The following RANBP2 variants were observed in gnomAD, a reference collection of about 807,000 sequenced individuals.
The protein encoded by RANBP2 is E3 SUMO-protein ligase RanBP2.
In RANBP2, 57 loss-of-function variants were observed where a neutral mutation model predicts 303.6. The ratio of observed to expected loss-of-function variants is 0.19; its 90% confidence interval spans 0.15 to 0.23. RANBP2 has a LOEUF of 0.23. Among genes scored for constraint, RANBP2 ranks in the 10% least tolerant of loss-of-function variants. The probability of loss-of-function intolerance (pLI) is 1.00; values close to 1 mark genes in which losing one functional copy is unlikely to be tolerated. For synonymous variants in RANBP2, 1,167 were observed against 1,301.5 expected (o/e 0.90, Z 2.23); for missense variants, 3,138 against 3,780.8 (o/e 0.83, Z 4.46).
At chr2:109,652,996 T>G in the RANBP2 span, among the ~76,000 whole-genome samples, 1 of 152,132 alleles carries the variant, frequency 6.6e-6, no homozygotes, top group African/African-American at 2.4e-5. Flanking sequence ...GAAAGAGAAA[T>G]AATTGCCTTT....
the RANBP2 span, among the ~76,000 whole-genome samples, chr2:108,890,080 C>T: frequency 1.3e-5 from 2 of 151,338 alleles, no homozygotes; most frequent in African/African-American, 4.9e-5. Context: ...GACTAGTTCT[C>T]TTTCATTTAT....
chr2:109,237,809 T>C, the RANBP2 span, among the ~76,000 whole-genome samples: 1 of 152,224 alleles, frequency 6.6e-6, no homozygotes, highest in Non-Finnish European at 1.5e-5. Flanking sequence ...ACAAATACTT[T>C]CTACACAAAG....
Position 108,782,398 on chromosome 2 carries a change from G to T in RANBP2, c.9031G>T (p.Ala3011Ser), listed in dbSNP as rs754411753. Residue 3011 changes from alanine (A) to serine (S), a missense_variant, in exon 27 of 29, where the codon GCT becomes TCT. Physicochemically the swap from Ala to Ser is moderately conservative, Grantham distance 99. Coordinates refer to ENST00000283195, the MANE Select transcript of RANBP2 (RefSeq NM_006267.5). ...TTTAGTTTGGACTGCCTCAGATTAT[G>T]CTGGTGAGTTTTTACATTCAAATGC... is the stretch of plus-strand genomic sequence containing the variant. ...NALVWTASDY[A>S]DGEAKVEQLA... 1.9e-6 allele frequency: 3 copies of T among 1,613,894 alleles called. No homozygotes were observed. In the East Asian group the frequency reaches 6.7e-5, roughly 36 times the overall value.
the RANBP2 span, among the ~76,000 whole-genome samples, chr2:108,995,100 G>C: frequency 1.4e-4 from 22 of 152,180 alleles, no homozygotes; most frequent in Non-Finnish European, 2.6e-4. Context: ...AAAGTGCTGG[G>C]ATTACAGGCA....
the RANBP2 span, chr2:108,912,700 A>T: frequency 6.3e-7 from 1 of 1,599,764 alleles, no homozygotes; most frequent in East Asian, 2.3e-5. Flanking sequence ...GCTGGAAGGG[A>T]GACAGGGTGC....
At chr2:108,947,892 A>T in the RANBP2 span, among the ~76,000 whole-genome samples, 1 of 152,292 alleles carries the variant, frequency 6.6e-6, no homozygotes, top group East Asian at 1.9e-4. Flanking sequence ...AGCCAGTTTG[A>T]ATTCCTCCCC....
the RANBP2 span, chr2:109,732,922 T>A: frequency 1.3e-6 from 1 of 746,156 alleles, no homozygotes; most frequent in Admixed American, 1.8e-5. Context: ...GTGGCCCCTG[T>A]GTAGGAGAGG....
At chr2:109,338,917 CACAA>C in the RANBP2 span, among the ~76,000 whole-genome samples, 530 of 111,568 alleles carry the variant, frequency 4.8e-3, 1 homozygote, top group Non-Finnish European at 6.7e-3. Context: ...TTACTGATAA[CACAA>C]ACAGTTGATC....
chr2:109,286,230 G>C, the RANBP2 span, among the ~76,000 whole-genome samples: 3 of 152,228 alleles, frequency 2.0e-5, no homozygotes, highest in Non-Finnish European at 4.4e-5. Context: ...GCAGCATTCT[G>C]TTTCTCTGAG....
the RANBP2 span, among the ~76,000 whole-genome samples, chr2:109,077,545 A>T: frequency 8.8e-6 from 1 of 114,242 alleles, no homozygotes; most frequent in Non-Finnish European, 2.1e-5. Context: ...GGGAGAAAAT[A>T]CAACCCATAT....
the RANBP2 span, among the ~76,000 whole-genome samples, chr2:109,506,596 A>G: frequency 1.3e-5 from 2 of 152,210 alleles, no homozygotes; most frequent in African/African-American, 4.8e-5. Context: ...TAGAGTTGTC[A>G]CATATGTTAT....
At chr2:108,852,263 C>A in the RANBP2 span, among the ~76,000 whole-genome samples, 28 of 152,270 alleles carry the variant, frequency 1.8e-4, no homozygotes, top group Admixed American at 1.5e-3. Context: ...AGATACAACT[C>A]TTCTTTATGG....
At chr2:109,245,137 C>T in the RANBP2 span, among the ~76,000 whole-genome samples, 13 of 152,186 alleles carry the variant, frequency 8.5e-5, no homozygotes, top group South Asian at 2.1e-4. Context: ...CACCATCTCA[C>T]GGGAAGCTCC....
chr2:109,610,489 T>G, the RANBP2 span, among the ~76,000 whole-genome samples: 1 of 151,764 alleles, frequency 6.6e-6, no homozygotes, highest in African/African-American at 2.4e-5. Flanking sequence ...CTGAGACGGG[T>G]GGATCACCTG....
chr2:109,485,011 G>A, the RANBP2 span, among the ~76,000 whole-genome samples: 1 of 152,236 alleles, frequency 6.6e-6, no homozygotes, highest in Admixed American at 6.5e-5. Context: ...CCCTTCTGGT[G>A]CTGAAAATAG....
chr2:109,023,566 G>T, the RANBP2 span, among the ~76,000 whole-genome samples: 1 of 152,190 alleles, frequency 6.6e-6, no homozygotes, highest in South Asian at 2.1e-4. Context: ...GCTTTGGGAG[G>T]CCTAGGTGGG....
chr2:109,399,671 A>G, the RANBP2 span, among the ~76,000 whole-genome samples: 1 of 152,230 alleles, frequency 6.6e-6, no homozygotes, highest in Non-Finnish European at 1.5e-5. Context: ...ATAATGAACA[A>G]TATTTAGTAA....
intron 6 of RANBP2, among the ~76,000 whole-genome samples, chr2:108,739,372 C>A (rs1211335627): frequency 5.3e-5 from 8 of 152,196 alleles, no homozygotes; most frequent in African/African-American, 1.4e-4. Context: ...CACTGCACTC[C>A]AGCCTTGTGA....
the RANBP2 span, among the ~76,000 whole-genome samples, chr2:109,702,145 C>A: frequency 6.6e-6 from 1 of 152,200 alleles, no homozygotes; most frequent in East Asian, 1.9e-4. Flanking sequence ...AGCAGCCCCA[C>A]GTGAGTGTGA....
Sources: gnomAD v4.1 joint callset for allele counts (sites outside exome capture counted in the v4.1 genomes callset) on GRCh38, gnomAD v4.1.1 for gene constraint, MANE v1.5 for transcripts, NCBI Gene and HGNC (gene_info 2026-07-23, HGNC 2026-07-21) for gene names.